CAD: variants seen among roughly 807,000 people sequenced by gnomAD.
CAD encodes the protein multifunctional protein CAD.
A neutral mutation model predicts 237.2 loss-of-function variants in CAD; 81 were observed. The ratio of observed to expected loss-of-function variants is 0.34; its 90% CI spans 0.29 to 0.41. CAD has a LOEUF of 0.41. Ranked by LOEUF, CAD falls within the 10% of genes least tolerant of loss-of-function variation. The pLI is 1.00. For synonymous variants in CAD, 1,196 were observed against 1,162.8 expected (o/e 1.03, Z -0.58); for missense variants, 2,181 against 2,951.7 (o/e 0.74, Z 6.05).
rs1363869833 is a variant in CAD at position 27,235,137 on chromosome 2, C to T, written c.3787-108C>T. 9.8e-7 allele frequency: 1 copy of T among 1,018,856 alleles called. No individual in the cohort carries two copies. The highest frequency in any genetic ancestry group is 1.4e-6 in the Non-Finnish European group (1 of 706,696). 63.1% of individuals were successfully genotyped at this position (1,018,856 alleles called of 1,614,324 possible). On this transcript the variant is annotated intron_variant, in intron 23 of 43. Coordinates refer to ENST00000264705, the MANE Select transcript of CAD (RefSeq NM_004341.5). This position sits in a 1 kb window ranked among gnomAD's most constrained non-coding sequence, Gnocchi z 5.2. ...AGGGCACACAGAGAGGGCAGGCTGA[C>T]CCTGCCATTCAGATGGGATCAAGCA...
At chr2:27,238,006 G>T (rs1676106372) in intron 29 of CAD, 50 bp from the exon 30 acceptor site, 3 of 1,605,670 alleles carry the variant, frequency 1.9e-6, no homozygotes, top group East Asian at 4.5e-5. Flanking sequence ...GCTCTGATGA[G>T]CACAGTCAGA....
chr2:27,226,514 C>T lies in CAD; in HGVS notation c.2032-11C>T, dbSNP rs1192953355. 5 of 1,613,522 alleles carry T rather than the reference C, an allele frequency of 3.1e-6. No homozygotes were observed. The East Asian group carries it at 6.7e-5, about 22-fold the overall frequency. On this transcript the variant is annotated splice_polypyrimidine_tract_variant and intron_variant, in intron 13 of 43. Coordinates refer to ENST00000264705, the MANE Select transcript of CAD (RefSeq NM_004341.5). ...CTTCTAGGCCAGTGACTTTATTCTC[C>T]TTCTTTGCAGTATTACATCATTGAA...
chr2:27,219,284 T>G (rs1675032229), intron 2 of CAD, among the ~76,000 whole-genome samples: 1 of 152,236 alleles, frequency 6.6e-6, no homozygotes, highest in South Asian at 2.1e-4. Flanking sequence ...CCCTCCCACA[T>G]AAACTTTCTG....
chr2:27,231,332 C>A, intron 15 of CAD, 136 bp from the exon 16 acceptor site: 1 of 631,088 alleles, frequency 1.6e-6, no homozygotes, highest in Non-Finnish European at 2.9e-6. Context: ...TGTGAAACAC[C>A]ATGAATCCCA....
chr2:27,228,497 G>T (rs1675548940), intron 15 of CAD, among the ~76,000 whole-genome samples: 1 of 152,226 alleles, frequency 6.6e-6, no homozygotes, highest in African/African-American at 2.4e-5. Context: ...GCTCAGGTGG[G>T]AGGATCGCTT....
rs1675864677 is a variant in CAD at position 27,233,517 on chromosome 2, G to A, written c.3197G>A (p.Arg1066Lys). 2 of 1,614,084 alleles carry A rather than the reference G, an allele frequency of 1.2e-6. No homozygotes were observed. Among genetic ancestry groups the A allele is most frequent in the African/African-American group, 1.3e-5 (1 of 74,942 alleles). Residue 1066 changes from arginine (R) to lysine (K), a missense_variant, in exon 20 of 44, where the codon AGG (arginine) becomes AAG (lysine). By Grantham distance (26) the Arg-to-Lys change is conservative (BLOSUM62 2). This residue lies in a region of CAD where 306 missense variants were observed against 607.9 expected (regional missense o/e 0.50). Coordinates refer to ENST00000264705, the MANE Select transcript of CAD (RefSeq NM_004341.5). This position sits in a 1 kb window ranked among gnomAD's most constrained non-coding sequence, Gnocchi z 6.3. ...DTIGISQPQW[R>K]ELSDLESARQ... ...ATTGGTATCAGCCAGCCTCAGTGGA[G>A]GGAGCTCAGTGACCTCGAGGTGGGC...
chr2:27,222,674 G>T lies in CAD; in HGVS notation c.637+14G>T, dbSNP rs757471535. The stretch of plus-strand genomic sequence containing the variant: ...TAGACAGCCAAGGTGAGTAGCTGGG[G>T]CCTGTTCAGGGCCTCAGACAAGCAG... On this transcript the variant is annotated intron_variant, in intron 5 of 43. Coordinates refer to ENST00000264705, the MANE Select transcript of CAD (RefSeq NM_004341.5). 3 of 1,610,222 alleles carry T rather than the reference G, an allele frequency of 1.9e-6. No homozygotes were observed. In the South Asian group the frequency reaches 3.3e-5, roughly 18 times the overall value.
chr2:27,218,769 C>A (rs866985227), intron 2 of CAD, among the ~76,000 whole-genome samples: 89 of 152,038 alleles, frequency 5.9e-4, no homozygotes, highest in African/African-American at 2.0e-3. Context: ...AAAAAAAACC[C>A]AACATATAGT....
intron 4 of CAD, 35 bp from the exon 5 acceptor site, chr2:27,222,484 T>C: frequency 6.2e-7 from 1 of 1,607,866 alleles, no homozygotes; most frequent in Non-Finnish European, 8.5e-7. Flanking sequence ...TGAGCACAGC[T>C]GCCAACTGTT....
At chr2:27,222,451 G>C in intron 4 of CAD, 68 bp from the exon 5 acceptor site, 1 of 1,588,092 alleles carries the variant, frequency 6.3e-7, no homozygotes, top group Non-Finnish European at 8.6e-7. Context: ...GTAGGAGTTG[G>C]TGCAGGCATA....
At position 27,239,664 on chromosome 2, in the gene CAD, C is replaced by T; in HGVS notation, c.5395-33C>T. The T allele has an allele frequency of 6.5e-7, 1 of 1,534,986 alleles. No individual in the cohort carries two copies. Among genetic ancestry groups the T allele is most frequent in the Non-Finnish European group, 8.9e-7 (1 of 1,129,312 alleles). The stretch of plus-strand genomic sequence containing the variant: ...CCCTTTAGGACCTGAGTTCTCTCTG[C>T]TCCCTCCTGAGTGCCCTGCCTTCTG... On this transcript the variant is annotated intron_variant, in intron 33 of 43. Transcript: ENST00000264705. This position sits in a 1 kb window ranked among gnomAD's most constrained non-coding sequence, Gnocchi z 4.0.
Position 27,241,841 on chromosome 2 carries a change from G to T in CAD, c.5884-70G>T, listed in dbSNP as rs920647829. ...CACCCCTCAAGTGTCAGTTGGGGTG[G>T]TGGTGCCTAGCTGGGGTTTCCCCAG... On this transcript the variant is annotated intron_variant, in intron 38 of 43. Coordinates refer to ENST00000264705, the MANE Select transcript of CAD (RefSeq NM_004341.5). The surrounding 1 kb of genome is among the most constrained non-coding windows in gnomAD (Gnocchi z 4.6). 4 of 1,278,606 alleles carry T rather than the reference G, an allele frequency of 3.1e-6. No homozygotes were observed. The highest frequency in any genetic ancestry group is 3.6e-5 in the Admixed American group (2 of 56,250). 79.2% of individuals were successfully genotyped at this position (1,278,606 alleles called of 1,614,324 possible). A position where few individuals can be genotyped will look rare whatever the true frequency, so the allele number is the denominator to read the frequency against.
At chr2:27,221,478 C>A (rs1289215353) in intron 3 of CAD, 131 bp downstream of exon 3, 2 of 877,468 alleles carry the variant, frequency 2.3e-6, no homozygotes, top group African/African-American at 3.5e-5. Flanking sequence ...TGGAGTTGGG[C>A]TGGGAGAAAG....
rs1264179463 is a variant in CAD at position 27,232,668 on chromosome 2, G to A, written c.2866G>A (p.Val956Ile). The stretch of plus-strand genomic sequence containing the variant: ...TAGCGTTGAATTTGACTGGTGTGCT[G>A]TAGGCTGCATCCAGCAGCTCCGAAA... The part of the protein sequence containing the change: ...GSSVEFDWCA[V>I]GCIQQLRKMG... The change falls in exon 18 of 44, where the codon GTA becomes ATA. Residue 956 changes from valine to isoleucine, a missense_variant. This residue lies in a region of CAD where 385 missense variants were observed against 535.1 expected (regional missense o/e 0.72). Transcript: ENST00000264705. The surrounding 1 kb of genome is among the most constrained non-coding windows in gnomAD (Gnocchi z 4.1). 1.2e-6 allele frequency: 2 copies of A among 1,614,212 alleles called. No homozygotes were observed. Among genetic ancestry groups the A allele is most frequent in the Admixed American group, 1.7e-5 (1 of 60,028 alleles).
intron 2 of CAD, among the ~76,000 whole-genome samples, chr2:27,219,776 A>G (rs1459802040): frequency 1.3e-5 from 2 of 152,080 alleles, no homozygotes; most frequent in African/African-American, 4.8e-5. Flanking sequence ...TTTAGTAGAG[A>G]CAGGGTTTCT....
rs140273939 is a variant in CAD, at chr2:27,237,856, C to T, written c.4702C>T (p.Leu1568=). The T allele has an allele frequency of 6.9e-5, 112 of 1,613,274 alleles. 1 individual carries two copies. The African/African-American group carries it at 1.1e-3, about 16-fold the overall frequency. Residue 1568 remains leucine (L), a synonymous_variant, in exon 29 of 44, where the codon CTG becomes TTG. Transcript: ENST00000264705. This position sits in a 1 kb window ranked among gnomAD's most constrained non-coding sequence, Gnocchi z 4.0. The part of the protein sequence containing the change: ...YLNETFSELR[L]DSVVQWMEHF... Reference sequence around the variant, plus strand: ...CAATGAGACCTTCTCTGAGCTGCGGCTGGACAGCGTGGTCCAGTGGATGGA... The same window carrying T: ...CAATGAGACCTTCTCTGAGCTGCGGTTGGACAGCGTGGTCCAGTGGATGGA...
At chr2:27,219,518 T>C (rs1360141742) in intron 2 of CAD, among the ~76,000 whole-genome samples, 4 of 152,162 alleles carry the variant, frequency 2.6e-5, no homozygotes, top group Non-Finnish European at 4.4e-5. Context: ...ACTTTTTTTG[T>C]ATTTTTTGTA....
intron 2 of CAD, 26 bp downstream of exon 2, chr2:27,218,042 C>T (rs1436837713): frequency 6.4e-7 from 1 of 1,558,640 alleles, no homozygotes; most frequent in Non-Finnish European, 8.7e-7. Flanking sequence ...GCTTTCTCTA[C>T]ATTCCTTTTC....
At chr2:27,219,537 G>C (rs1005258756) in intron 2 of CAD, among the ~76,000 whole-genome samples, 1 of 151,312 alleles carries the variant, frequency 6.6e-6, no homozygotes, top group East Asian at 1.9e-4. Flanking sequence ...TAGAGACCGG[G>C]TATTGTCACA....
Sources: gnomAD v4.1 joint callset for allele counts (sites outside exome capture counted in the v4.1 genomes callset) on GRCh38, gnomAD v4.1.1 for gene constraint, gnomAD v4.1.1 regional missense constraint, Gnocchi (gnomAD v3.1) non-coding constraint, MANE v1.5 for transcripts, NCBI Gene and HGNC (gene_info 2026-07-23, HGNC 2026-07-21) for gene names.